The following MAX variants were observed in gnomAD, a reference collection of about 807,000 sequenced individuals.
MAX encodes the protein MYC associated transcriptional regulator X, also known as protein max.
In MAX, 3 loss-of-function variants were observed where a neutral mutation model predicts 22.3. That is an observed-to-expected ratio of 0.13 (90% CI 0.06 to 0.35). MAX has a LOEUF of 0.35. Among genes scored for constraint, MAX ranks in the 10% least tolerant of loss-of-function variants. The pLI is 1.00. For missense variants in MAX, 119 were observed against 209.4 expected (o/e 0.57, Z 2.66); for synonymous variants, 72 against 77.7 (o/e 0.93, Z 0.39).
At chr14:65,087,755 A>G (rs146364389) in intron 3 of MAX, among the ~76,000 whole-genome samples, 25 of 152,314 alleles carry the variant, frequency 1.6e-4, no homozygotes, top group Non-Finnish European at 2.6e-4. Context: ...TTAATGCTGA[A>G]ATGAGTTAAG....
At chr14:65,089,695 C>G (rs1470393370) in intron 3 of MAX, among the ~76,000 whole-genome samples, 1 of 132,254 alleles carries the variant, frequency 7.6e-6, no homozygotes, top group Non-Finnish European at 1.6e-5. Context: ...CATTGTGTAA[C>G]ACTCCCTAGT....
intron 3 of MAX, among the ~76,000 whole-genome samples, chr14:65,081,666 A>G (rs1050845587): frequency 8.5e-5 from 13 of 152,236 alleles, no homozygotes; most frequent in African/African-American, 3.1e-4. Context: ...ACATGTCCAC[A>G]GAGCAAGTGC....
intron 3 of MAX, among the ~76,000 whole-genome samples, chr14:65,049,235 C>T (rs1372233593): frequency 6.6e-6 from 1 of 151,892 alleles, no homozygotes; most frequent in South Asian, 2.1e-4. Flanking sequence ...TGTGAGTTTC[C>T]ACTTGGCTTG....
chr14:65,087,595 G>C (rs907099599), intron 3 of MAX, among the ~76,000 whole-genome samples: 2 of 152,076 alleles, frequency 1.3e-5, no homozygotes, highest in Non-Finnish European at 2.9e-5. Flanking sequence ...TTTTTTGACC[G>C]ATTTCTCCCA....
chr14:65,045,904 G>A (rs2062466068), intron 3 of MAX, among the ~76,000 whole-genome samples: 1 of 152,228 alleles, frequency 6.6e-6, no homozygotes. Flanking sequence ...GTCAGCAAGT[G>A]CACTGACTTT....
At chr14:65,090,653 C>G (rs2063477614) in intron 3 of MAX, 3 of 152,224 alleles carry the variant, frequency 2.0e-5, no homozygotes, top group Non-Finnish European at 4.4e-5. Context: ...TACAGGTAAG[C>G]ATCACCACGC....
chr14:65,100,229 A>T (rs2063791839), intron 2 of MAX, among the ~76,000 whole-genome samples: 1 of 145,182 alleles, frequency 6.9e-6, no homozygotes, highest in Non-Finnish European at 1.6e-5. Flanking sequence ...AGGCTGGCAG[A>T]TCACGAGGTT....
At chr14:65,057,772 T>C (rs2062770895) in intron 3 of MAX, among the ~76,000 whole-genome samples, 1 of 152,184 alleles carries the variant, frequency 6.6e-6, no homozygotes, top group Non-Finnish European at 1.5e-5. Flanking sequence ...TTTTTCCATA[T>C]GGATAACCAA....
At chr14:65,073,863 G>A (rs746791815), downstream of MAX, among the ~76,000 whole-genome samples, 4 of 152,178 alleles carry the variant, frequency 2.6e-5, no homozygotes, top group Non-Finnish European at 4.4e-5. Flanking sequence ...TCAATCAGGT[G>A]GTTTGGATTT....
chr14:65,060,753 A>G (rs1402312286), intron 3 of MAX, among the ~76,000 whole-genome samples: 1 of 148,442 alleles, frequency 6.7e-6, no homozygotes, highest in African/African-American at 2.5e-5. Context: ...CACACCTGTA[A>G]TCCCAGCTAC....
rs2063147802 is a variant in MAX at position 65,079,429 on chromosome 14, T to TA, written c.172-1394dup. Among the ~76,000 whole-genome samples the TA allele has an allele frequency of 1.3e-5, 2 of 152,334 alleles. No homozygotes were observed. Among genetic ancestry groups the TA allele is most frequent in the South Asian group, 4.1e-4 (2 of 4,826 alleles). On this transcript the variant is annotated intron_variant, in intron 3 of 4. Transcript: ENST00000358664. This position sits in a 1 kb window ranked among gnomAD's most constrained non-coding sequence, Gnocchi z 4.5. Reference sequence around the variant, plus strand: ...CATGGATGTCATGTTACTGTGCCCCTAGACATCAAACTTGTCTGGGAGATT... The same window carrying TA: ...CATGGATGTCATGTTACTGTGCCCCTAAGACATCAAACTTGTCTGGGAGATT...
chr14:65,059,252 G>A (rs1595108415), intron 3 of MAX, among the ~76,000 whole-genome samples: 1 of 151,908 alleles, frequency 6.6e-6, no homozygotes, highest in East Asian at 1.9e-4. Flanking sequence ...TGAACTCTTG[G>A]CCTCAAGCTA....
At position 65,101,159 on chromosome 14, in the gene MAX, G is replaced by C. The variant is rs554228004; in HGVS notation, c.63+387C>G. Among the ~76,000 whole-genome samples, 8 of 152,304 alleles carry C rather than the reference G, an allele frequency of 5.3e-5. No homozygotes were observed. In the South Asian group the frequency reaches 1.7e-3, roughly 32 times the overall value. On this transcript the variant is annotated intron_variant, in intron 2 of 4. Transcript: ENST00000358664. ...GGCTTCAGCTTCACACAATTATACA[G>C]ATATGGTTTAAAACCTACTTGTTCC...
intron 2 of MAX, among the ~76,000 whole-genome samples, chr14:65,095,501 C>T (rs186506033): frequency 1.6e-3 from 250 of 152,266 alleles, no homozygotes; most frequent in Admixed American, 4.3e-3. Flanking sequence ...TGAAATAGTG[C>T]GACAGAATTG....
At chr14:65,102,660 G>T (rs1839897474), upstream of MAX, 1 of 936,274 alleles carries the variant, frequency 1.1e-6, no homozygotes, top group African/African-American at 1.8e-5. Flanking sequence ...ACAAATCCCG[G>T]AAGAAACCGC....
At chr14:65,100,435 TGA>T (rs2063798993) in intron 2 of MAX, among the ~76,000 whole-genome samples, 1 of 151,954 alleles carries the variant, frequency 6.6e-6, no homozygotes, top group African/African-American at 2.4e-5. Context: ...GGTGACAGAG[TGA>T]GACTCTGTCT....
At chr14:65,063,166 A>G (rs1173597740) in intron 3 of MAX, among the ~76,000 whole-genome samples, 1 of 152,188 alleles carries the variant, frequency 6.6e-6, no homozygotes, top group Non-Finnish European at 1.5e-5. Flanking sequence ...GGGCACCCAA[A>G]TCCATGTAAA....
chr14:65,087,616 CTG>C (rs1185561426), intron 3 of MAX, among the ~76,000 whole-genome samples: 1 of 152,180 alleles, frequency 6.6e-6, no homozygotes, highest in Non-Finnish European at 1.5e-5. Flanking sequence ...TTTGGAATGG[CTG>C]TGTTTATCCA....
At chr14:65,060,870 CAA>C (rs58241887) in intron 3 of MAX, among the ~76,000 whole-genome samples, 7,481 of 79,616 alleles carry the variant, frequency 0.094, 305 homozygotes, top group East Asian at 0.29. Flanking sequence ...AAGACTCTCT[CAA>C]AAAAAAAAAA....
Sources: allele counts gnomAD v4.1 joint callset (sites outside exome capture counted in the v4.1 genomes callset), GRCh38; gene constraint gnomAD v4.1.1; non-coding constraint Gnocchi (gnomAD v3.1); transcripts MANE v1.5; gene names NCBI Gene and HGNC (gene_info 2026-07-23, HGNC 2026-07-21).